CAMKMT: variants seen among roughly 807,000 people sequenced by gnomAD.
CAMKMT encodes CaM KMT.
CAMKMT carries 53 observed loss-of-function variants against 48.0 expected under a neutral mutation model. The observed-to-expected ratio is 1.10, with a 90% CI of 0.89 to 1.39. The LOEUF (loss-of-function observed/expected upper bound fraction) is 1.39. CAMKMT is among the 40% of genes most tolerant of loss of function. The pLI, the probability that CAMKMT is intolerant of heterozygous loss-of-function variation, is 0.00. For synonymous variants in CAMKMT, 165 were observed against 152.3 expected (o/e 1.08, Z -0.61); for missense variants, 428 against 402.7 (o/e 1.06, Z -0.54).
chr2:44,443,356 T>C (rs1251764384), intron 3 of CAMKMT, among the ~76,000 whole-genome samples: 2 of 152,196 alleles, frequency 1.3e-5, no homozygotes, highest in Non-Finnish European at 2.9e-5. Context: ...CATGGGTTAA[T>C]ATTACCATTT....
chr2:44,494,497 A>G (rs1305513703), intron 3 of CAMKMT, among the ~76,000 whole-genome samples: 1 of 152,222 alleles, frequency 6.6e-6, no homozygotes, highest in Admixed American at 6.5e-5. Context: ...TTGCTAAGGG[A>G]TAATGGTCAT....
chr2:44,467,250 AAAAC>A (rs921232529), intron 3 of CAMKMT, among the ~76,000 whole-genome samples: 10 of 151,356 alleles, frequency 6.6e-5, no homozygotes, highest in Non-Finnish European at 1.5e-4. Flanking sequence ...TCCAAAAACA[AAAAC>A]AAACAGGTGG....
chr2:44,602,108 C>T (rs950431121), intron 3 of CAMKMT, among the ~76,000 whole-genome samples: 4 of 151,960 alleles, frequency 2.6e-5, no homozygotes, highest in South Asian at 2.1e-4. Flanking sequence ...CAGGCTCAAG[C>T]GATCCTCCCA....
intron 1 of CAMKMT, among the ~76,000 whole-genome samples, chr2:44,365,212 G>A (rs1297778779): frequency 6.6e-6 from 1 of 152,100 alleles, no homozygotes; most frequent in Non-Finnish European, 1.5e-5. Flanking sequence ...CTGTCTACTT[G>A]TTTTTTCCTT....
chr2:44,771,961 C>T, intron 10 of CAMKMT, 75 bp from the exon 11 acceptor site: 2 of 992,550 alleles, frequency 2.0e-6, no homozygotes, highest in Non-Finnish European at 3.1e-6. Context: ...CATCATGATA[C>T]TCAACATTAA....
At chr2:44,611,494 GAC>G (rs200921699) in intron 3 of CAMKMT, among the ~76,000 whole-genome samples, 2,115 of 151,248 alleles carry the variant, frequency 0.014, 44 homozygotes, top group African/African-American at 0.049. Context: ...GAACAATTTT[GAC>G]TACAATTAAT....
At chr2:44,589,294 C>T (rs1197424211) in intron 3 of CAMKMT, among the ~76,000 whole-genome samples, 2 of 49,594 alleles carry the variant, frequency 4.0e-5, no homozygotes, top group African/African-American at 8.4e-5. Flanking sequence ...CCAGCCGCCC[C>T]ATCCGGGAGG....
intron 6 of CAMKMT, among the ~76,000 whole-genome samples, chr2:44,708,211 A>ATTT (rs59281575): frequency 0.14 from 9,270 of 67,588 alleles, 1,224 homozygotes; most frequent in South Asian, 0.18. Context: ...TTTGCTTTGG[A>ATTT]TTTTTTTTTT....
intron 3 of CAMKMT, among the ~76,000 whole-genome samples, chr2:44,611,969 A>G (rs1160993880): frequency 2.0e-5 from 3 of 152,126 alleles, no homozygotes; most frequent in Non-Finnish European, 2.9e-5. Context: ...CCATGATTCA[A>G]ACACCTCCCA....
At chr2:44,589,556 C>T (rs1231189348) in intron 3 of CAMKMT, among the ~76,000 whole-genome samples, 1 of 72,998 alleles carries the variant, frequency 1.4e-5, no homozygotes, top group Non-Finnish European at 2.9e-5. Context: ...ATTCTTCTGC[C>T]TTGGGATCCT....
chr2:44,468,057 A>G (rs775609293), intron 3 of CAMKMT, among the ~76,000 whole-genome samples: 5 of 152,236 alleles, frequency 3.3e-5, no homozygotes, highest in Non-Finnish European at 7.3e-5. Context: ...CAATCAACAG[A>G]GTGAAAAGAC....
intron 6 of CAMKMT, among the ~76,000 whole-genome samples, chr2:44,708,211 A>ATTTTTTTTTTTTTTTTTTTTTT (rs59281575): frequency 2.9e-5 from 2 of 68,194 alleles, no homozygotes; most frequent in East Asian, 5.5e-4. Context: ...TTTGCTTTGG[A>ATTTTTTTTTTTTTTTTTTTTTT]TTTTTTTTTT....
At chr2:44,769,537 C>G (rs1387022603) in intron 10 of CAMKMT, among the ~76,000 whole-genome samples, 1 of 152,152 alleles carries the variant, frequency 6.6e-6, no homozygotes, top group Non-Finnish European at 1.5e-5. Flanking sequence ...GATAGCAAAT[C>G]GTTTTGTAAG....
At chr2:44,609,312 G>A (rs1671469761) in intron 3 of CAMKMT, among the ~76,000 whole-genome samples, 1 of 152,160 alleles carries the variant, frequency 6.6e-6, no homozygotes, top group Admixed American at 6.5e-5. Context: ...AGTTAATGGT[G>A]ATATATTGTA....
At chr2:44,384,130 G>GT (rs1680537209) in intron 2 of CAMKMT, among the ~76,000 whole-genome samples, 1 of 152,124 alleles carries the variant, frequency 6.6e-6, no homozygotes, top group African/African-American at 2.4e-5. Flanking sequence ...ATCCACGCCA[G>GT]TATCTATTGT....
intron 3 of CAMKMT, among the ~76,000 whole-genome samples, chr2:44,634,717 T>C (rs1028645742): frequency 2.1e-5 from 3 of 144,400 alleles, no homozygotes; most frequent in African/African-American, 7.7e-5. Context: ...AATGAGGTCA[T>C]AAGTAACTAT....
chr2:44,463,527 AAAGT>A (rs750713438), intron 3 of CAMKMT, among the ~76,000 whole-genome samples: 1 of 152,158 alleles, frequency 6.6e-6, no homozygotes, highest in Non-Finnish European at 1.5e-5. Flanking sequence ...AGGGGGTGAA[AAAGT>A]AAGGGGTTGG....
chr2:44,579,603 A>G (rs1669429753), intron 3 of CAMKMT, among the ~76,000 whole-genome samples: 1 of 152,212 alleles, frequency 6.6e-6, no homozygotes, highest in Non-Finnish European at 1.5e-5. Flanking sequence ...TACTGCCCAC[A>G]AAAGGTTTTT....
chr2:44,544,150 T>C (rs755917793), intron 3 of CAMKMT, among the ~76,000 whole-genome samples: 1 of 151,938 alleles, frequency 6.6e-6, no homozygotes, highest in African/African-American at 2.4e-5. Flanking sequence ...AATTTTGGTA[T>C]TATGTTAAAT....
Sources: allele counts gnomAD v4.1 joint callset (sites outside exome capture counted in the v4.1 genomes callset), GRCh38; gene constraint gnomAD v4.1.1; transcripts MANE v1.5; gene names NCBI Gene and HGNC (gene_info 2026-07-23, HGNC 2026-07-21).